Variants in BEST4 observed in about 807,000 individuals in gnomAD.
BEST4 encodes bestrophin-4.
A neutral mutation model predicts 47.1 loss-of-function variants in BEST4; 36 were observed. The observed-to-expected ratio is 0.76, with a 90% CI of 0.59 to 1.01. The LOEUF is 1.01. BEST4 is among the 50% of genes least tolerant of loss of function. BEST4 has a pLI of 0.00. For synonymous variants in BEST4, 250 were observed against 277.8 expected (o/e 0.90, Z 1.00); for missense variants, 550 against 648.6 (o/e 0.85, Z 1.65).
Position 44,787,800 on chromosome 1 carries a change from A to G in BEST4, c.-95T>C, listed in dbSNP as rs1486165919. On this transcript the variant is annotated 5_prime_UTR_variant, in exon 1 of 9. Coordinates refer to ENST00000372207, the MANE Select transcript of BEST4 (RefSeq NM_153274.3). ...CCTCCCTTCCACTCTGGTCTCACAC[A>G]CCCCAGCCTTCACCCTGCGTCAGTG... 2 of 1,458,472 alleles carry G rather than the reference A, an allele frequency of 1.4e-6. No homozygotes were observed. Among genetic ancestry groups the G allele is most frequent in the Admixed American group, 1.9e-5 (1 of 52,948 alleles). 90.3% of individuals were successfully genotyped at this position (1,458,472 alleles called of 1,614,324 possible). A position where few individuals can be genotyped will look rare whatever the true frequency, so the allele number is the denominator to read the frequency against.
At position 44,784,198 on chromosome 1, in the gene BEST4, G is replaced by T. The variant is rs770783054; in HGVS notation, c.*12C>A. The T allele has an allele frequency of 3.6e-6, 5 of 1,403,078 alleles. No individual in the cohort carries two copies. Among genetic ancestry groups the T allele is most frequent in the Admixed American group, 3.5e-5 (1 of 28,518 alleles). 86.9% of individuals were successfully genotyped at this position (1,403,078 alleles called of 1,614,324 possible). On this transcript the variant is annotated 3_prime_UTR_variant, in exon 9 of 9. Transcript: ENST00000372207. This position sits in a 1 kb window ranked among gnomAD's most constrained non-coding sequence, Gnocchi z 6.2. ...AGTGGGTGGGGGAAACCGGGCGGGGGCAGGCGAGACCTCAGGGCTCCAGGG... is the reference window on the plus strand; with the variant it reads ...AGTGGGTGGGGGAAACCGGGCGGGGTCAGGCGAGACCTCAGGGCTCCAGGG...
rs1196232785 is a variant in BEST4 at position 44,787,866 on chromosome 1, C to T, written c.-161G>A. Among the ~76,000 whole-genome samples the T allele has an allele frequency of 2.0e-5, 3 of 152,180 alleles. No homozygotes were observed. Among genetic ancestry groups the T allele is most frequent in the Non-Finnish European group, 4.4e-5 (3 of 68,030 alleles). ...GCCTGCAGAGCAGAAAAGTACACCCCACCCCCTGCAGAACTGAGCAGTACA... is the reference window on the plus strand; with the variant it reads ...GCCTGCAGAGCAGAAAAGTACACCCTACCCCCTGCAGAACTGAGCAGTACA... On this transcript the variant is annotated 5_prime_UTR_variant, in exon 1 of 9. The change creates a premature stop within an existing upstream ORF in the 5' untranslated region. Transcript: ENST00000372207.
Position 44,785,181 on chromosome 1 carries a change from G to A in BEST4, c.839C>T (p.Ala280Val). Residue 280 changes from alanine to valine, a missense_variant, in exon 6 of 9, where the codon GCC becomes GTC. Ala to Val is a moderately conservative substitution (Grantham distance 64). Transcript: ENST00000372207. ...LLKPGQEPAP[A>V]LGDPDMYVPL... ...CACGTACATGTCCGGGTCTCCCAGG[G>A]CTGGGGCTGGCTCCTGGCCTGGCTT... 1 of 1,614,038 alleles carries A rather than the reference G, an allele frequency of 6.2e-7. No individual in the cohort carries two copies. Among genetic ancestry groups the A allele is most frequent in the East Asian group, 2.2e-5 (1 of 44,882 alleles).
In BEST4 at chr1:44,787,739, G is replaced by A. The variant is rs762198609; in HGVS notation, c.-34C>T. 5 of 1,612,776 alleles carry A rather than the reference G, an allele frequency of 3.1e-6. No homozygotes were observed. Among genetic ancestry groups the A allele is most frequent in the Admixed American group, 1.7e-5 (1 of 59,960 alleles). ...GAGCCTGGGGCAGGAGGTCACAAGA[G>A]TTGCCCCCAGGGCTGTCGTTTAGTT... On this transcript the variant is annotated 5_prime_UTR_variant, in exon 1 of 9. Coordinates refer to ENST00000372207, the MANE Select transcript of BEST4 (RefSeq NM_153274.3).
upstream of BEST4, among the ~76,000 whole-genome samples, chr1:44,791,085 A>G (rs1333808748): frequency 6.7e-6 from 1 of 148,880 alleles, no homozygotes; most frequent in East Asian, 2.0e-4. Context: ...CTGGTCCCCC[A>G]CCCCACCCCT....
downstream of BEST4, among the ~76,000 whole-genome samples, chr1:44,782,584 C>G (rs1212463699): frequency 3.3e-5 from 5 of 152,076 alleles, no homozygotes; most frequent in Non-Finnish European, 7.3e-5. Flanking sequence ...GAGCCGAGAT[C>G]AGGCCATTGC....
chr1:44,785,037 C>T (rs369629759), intron 6 of BEST4, 52 bp from the exon 7 acceptor site: 10 of 1,611,184 alleles, frequency 6.2e-6, no homozygotes, highest in Middle Eastern at 3.3e-4. Context: ...ACTCTTTTTC[C>T]CCAAAGTCGG....
chr1:44,790,064 T>C (rs1225031571), upstream of BEST4, among the ~76,000 whole-genome samples: 19 of 152,204 alleles, frequency 1.2e-4, no homozygotes, highest in Non-Finnish European at 2.8e-4. Context: ...TGGGGCAATT[T>C]TGAGTATTCA....
upstream of BEST4, among the ~76,000 whole-genome samples, chr1:44,791,232 ATGTGTGTG>A (rs35156965): frequency 6.8e-6 from 1 of 147,056 alleles, no homozygotes; most frequent in Non-Finnish European, 1.5e-5. Context: ...GAGAGAGAGT[ATGTGTGTG>A]TGTGTGTGTG....
chr1:44,786,715 A>G lies in BEST4; in HGVS notation c.248-19T>C, dbSNP rs1414637989. 2 of 1,536,440 alleles carry G rather than the reference A, an allele frequency of 1.3e-6. No homozygotes were observed. The highest frequency in any genetic ancestry group is 2.4e-5 in the South Asian group (2 of 83,480). On this transcript the variant is annotated intron_variant, in intron 2 of 8. Transcript: ENST00000372207. The surrounding 1 kb of genome is among the most constrained non-coding windows in gnomAD (Gnocchi z 4.9). ...TAGAAACCTGCTTGGCCGCCGTGAT[A>G]GAGGGAGTAGGAAGGGAGAGTGGAG...
In BEST4 at chr1:44,784,612, C is replaced by T. The variant is rs1651152276; in HGVS notation, c.1148+17G>A. On this transcript the variant is annotated intron_variant, in intron 8 of 8. Transcript: ENST00000372207. This position sits in a 1 kb window ranked among gnomAD's most constrained non-coding sequence, Gnocchi z 6.2. The stretch of plus-strand genomic sequence containing the variant: ...GAGGACCCGCGTGCCGGGTCAGGCC[C>T]AGTGCAAGCCACTCACCGCAGGTTG... 1 of 1,609,954 alleles carries T rather than the reference C, an allele frequency of 6.2e-7. No individual in the cohort carries two copies. Among genetic ancestry groups the T allele is most frequent in the Non-Finnish European group, 8.5e-7 (1 of 1,178,556 alleles).
At position 44,787,634 on chromosome 1, in the gene BEST4, C is replaced by G. The variant is rs762145388; in HGVS notation, c.72G>C (p.Trp24Cys). ...AGAGGAGCTTGTAGATGCTTCCCCT[C>G]CAGCGGAGAAGCAGGCCAGAGAAAC... is the stretch of plus-strand genomic sequence containing the variant. The part of the protein sequence containing the change: ...FGGFSGLLLR[W>C]RGSIYKLLYK... The change falls in exon 1 of 9, where the codon TGG becomes TGC. Residue 24 changes from tryptophan to cysteine, a missense_variant. Physicochemically the swap from Trp to Cys is radical, Grantham distance 215. Transcript: ENST00000372207. 1 of 1,614,238 alleles carries G rather than the reference C, an allele frequency of 6.2e-7. No homozygotes were observed. Among genetic ancestry groups the G allele is most frequent in the Non-Finnish European group, 8.5e-7 (1 of 1,180,046 alleles).
At chr1:44,790,444 G>A (rs1651381662), upstream of BEST4, among the ~76,000 whole-genome samples, 1 of 152,104 alleles carries the variant, frequency 6.6e-6, no homozygotes, top group African/African-American at 2.4e-5. Flanking sequence ...GTTCCTTCAA[G>A]ATGTGGCTCA....
At chr1:44,791,461 C>T (rs947158283), upstream of BEST4, among the ~76,000 whole-genome samples, 1 of 152,040 alleles carries the variant, frequency 6.6e-6, no homozygotes, top group African/African-American at 2.4e-5. Context: ...CAGCTCTACC[C>T]CAGGAAGACC....
rs1363521469 is a variant in BEST4, at chr1:44,784,712, C to T, written c.1065G>A (p.Glu355=). 6 of 1,610,844 alleles carry T rather than the reference C, an allele frequency of 3.7e-6. No homozygotes were observed. Among genetic ancestry groups the T allele is most frequent in the South Asian group, 3.3e-5 (3 of 90,614 alleles). ...CAGTGTAGGGTGGCTGCGGCTGGTC[C>T]TCATCCCAGTACTGGTCCTTCTCAG... The part of the protein sequence containing the change: ...PPAEKDQYWD[E]DQPQPPYTVA... The change falls in exon 8 of 9, where the codon GAG becomes GAA. Residue 355 remains glutamate, a synonymous_variant. Coordinates refer to ENST00000372207, the MANE Select transcript of BEST4 (RefSeq NM_153274.3). The surrounding 1 kb of genome is among the most constrained non-coding windows in gnomAD (Gnocchi z 6.2).
At chr1:44,783,245 G>A (rs1209107235), downstream of BEST4, among the ~76,000 whole-genome samples, 1 of 152,312 alleles carries the variant, frequency 6.6e-6, no homozygotes, top group East Asian at 1.9e-4. Flanking sequence ...GTGAGCCACT[G>A]TGCCCAGCCA....
upstream of BEST4, among the ~76,000 whole-genome samples, chr1:44,789,024 G>A (rs139986770): frequency 1.3e-5 from 2 of 152,146 alleles, no homozygotes; most frequent in East Asian, 1.9e-4. Context: ...CAGCCTCAAC[G>A]CAGGTGGATC....
At chr1:44,790,712 A>C (rs1181845724), upstream of BEST4, among the ~76,000 whole-genome samples, 1 of 150,630 alleles carries the variant, frequency 6.6e-6, no homozygotes, top group Non-Finnish European at 1.5e-5. Flanking sequence ...GGAGTTTGAG[A>C]CCAGCCTGGG....
Position 44,784,571 on chromosome 1 carries a change from G to T in BEST4, c.1148+58C>A. The T allele has an allele frequency of 6.4e-7, 1 of 1,560,470 alleles. No homozygotes were observed. The highest frequency in any genetic ancestry group is 8.7e-7 in the Non-Finnish European group (1 of 1,154,818). The stretch of plus-strand genomic sequence containing the variant: ...CTCGGGGAAGGACCGAGGCATCGGT[G>T]CCCCAGAGGCTGAGCGAGGACCCGC... On this transcript the variant is annotated intron_variant, in intron 8 of 8. Coordinates refer to ENST00000372207, the MANE Select transcript of BEST4 (RefSeq NM_153274.3). This position sits in a 1 kb window ranked among gnomAD's most constrained non-coding sequence, Gnocchi z 6.2.
Sources: allele counts gnomAD v4.1 joint callset (sites outside exome capture counted in the v4.1 genomes callset), GRCh38; gene constraint gnomAD v4.1.1; non-coding constraint Gnocchi (gnomAD v3.1); transcripts MANE v1.5; gene names NCBI Gene and HGNC (gene_info 2026-07-23, HGNC 2026-07-21).